CDC42EP4: variants seen among roughly 807,000 people sequenced by gnomAD.
The protein encoded by CDC42EP4 is CDC42 effector protein 4.
CDC42EP4 carries 6 observed loss-of-function variants against 5.6 expected under a neutral mutation model. The ratio of observed to expected loss-of-function variants is 1.07; its 90% CI spans 0.59 to 2.12. The LOEUF (loss-of-function observed/expected upper bound fraction) is 2.12, where lower values mean the gene tolerates loss of function less well. CDC42EP4 is among the 30% of genes most tolerant of loss of function. The pLI is 0.00. For missense variants in CDC42EP4, 490 were observed against 508.6 expected, an observed-to-expected ratio of 0.96 and a Z score of 0.35; for synonymous variants, 230 against 224.2, an observed-to-expected ratio of 1.03 and a Z score of -0.23.
intron 1 of CDC42EP4, among the ~76,000 whole-genome samples, chr17:73,292,253 T>G (rs2062164957): frequency 6.6e-6 from 1 of 152,244 alleles, no homozygotes; most frequent in African/African-American, 2.4e-5. Context: ...TTCCCCTAGC[T>G]GTTCTAACCA....
At position 73,286,658 on chromosome 17, in the gene CDC42EP4, C is replaced by A. The variant is rs2062136541; in HGVS notation, c.-112-46G>T. ...GCAAAGGATTAACGCGGGCTGGCCA[C>A]ACGGCACAAAAGCCTCTTTGCCAGG... is the stretch of plus-strand genomic sequence containing the variant. On this transcript the variant is annotated intron_variant, in intron 1 of 1. Transcript: ENST00000335793. The surrounding 1 kb of genome is among the most constrained non-coding windows in gnomAD (Gnocchi z 7.7). 3.3e-6 allele frequency: 2 copies of A among 609,744 alleles called. No individual in the cohort carries two copies. Among genetic ancestry groups the A allele is most frequent in the South Asian group, 4.2e-5 (2 of 47,544 alleles). The allele number at this position is 609,744 out of a possible 1,614,324, so 37.8% of individuals were successfully genotyped here. A position where few individuals can be genotyped will look rare whatever the true frequency, so the allele number is the denominator to read the frequency against.
chr17:73,308,271 G>A (rs1447630611), intron 1 of CDC42EP4, among the ~76,000 whole-genome samples: 2 of 152,086 alleles, frequency 1.3e-5, no homozygotes, highest in Non-Finnish European at 2.9e-5. Context: ...TTTTCCTCAC[G>A]GTCGGGAAAA....
intron 1 of CDC42EP4, 65 bp downstream of exon 1, chr17:73,311,828 A>C (rs1474227066): frequency 1.3e-5 from 2 of 152,024 alleles, no homozygotes; most frequent in East Asian, 3.9e-4. Flanking sequence ...GAGACCCCCA[A>C]GCCCACCCAG....
intron 1 of CDC42EP4, among the ~76,000 whole-genome samples, chr17:73,310,398 C>G (rs1348512221): frequency 1.3e-5 from 2 of 152,032 alleles, no homozygotes; most frequent in African/African-American, 4.8e-5. Context: ...TGCTGGGGTT[C>G]GGACGAGAGA....
chr17:73,306,848 G>A (rs1023808582), intron 1 of CDC42EP4: 2 of 152,280 alleles, frequency 1.3e-5, no homozygotes, highest in African/African-American at 4.8e-5. Flanking sequence ...TGGCACACTT[G>A]GAGAGATTCA....
At chr17:73,292,129 G>A (rs548253889) in intron 1 of CDC42EP4, among the ~76,000 whole-genome samples, 6 of 152,338 alleles carry the variant, frequency 3.9e-5, no homozygotes, top group South Asian at 2.1e-4. Context: ...GGCAGGCCTC[G>A]CTCTCTGAAG....
rs201223972 is a variant in CDC42EP4, at chr17:73,285,649, C to T, written c.852G>A (p.Glu284=). The T allele has an allele frequency of 1.5e-5, 24 of 1,593,220 alleles. No individual in the cohort carries two copies. The East Asian group carries it at 5.2e-4, about 34-fold the overall frequency. The change falls in exon 2 of 2, where the codon GAG becomes GAA. Residue 284 remains glutamate, a synonymous_variant. Transcript: ENST00000335793. The surrounding 1 kb of genome is among the most constrained non-coding windows in gnomAD (Gnocchi z 6.8). The part of the protein sequence containing the change: ...PSLPSHALED[E]GWAAAAPSPG... ...GGCTGGGGGCCGCTGCTGCCCACCC[C>T]TCATCCTCCAGAGCATGGGAGGGGA...
chr17:73,301,011 A>T (rs551154001), intron 1 of CDC42EP4, among the ~76,000 whole-genome samples: 41 of 151,604 alleles, frequency 2.7e-4, no homozygotes, highest in African/African-American at 9.7e-4. Context: ...ACGCCATTGC[A>T]CTCCAGCCTG....
At chr17:73,293,073 C>T (rs1471326636) in intron 1 of CDC42EP4, among the ~76,000 whole-genome samples, 1 of 152,166 alleles carries the variant, frequency 6.6e-6, no homozygotes, top group Admixed American at 6.5e-5. Context: ...GTCTCGAACT[C>T]CTGGCATCAA....
chr17:73,296,995 A>G (rs1315195929), intron 1 of CDC42EP4, among the ~76,000 whole-genome samples: 1 of 126,084 alleles, frequency 7.9e-6, no homozygotes, highest in Non-Finnish European at 1.7e-5. Flanking sequence ...AAAAAAAAAA[A>G]AAAAAAAAAT....
chr17:73,308,661 A>G (rs925374663), intron 1 of CDC42EP4, among the ~76,000 whole-genome samples: 1 of 152,096 alleles, frequency 6.6e-6, no homozygotes, highest in African/African-American at 2.4e-5. Context: ...GCAGAAATCA[A>G]TCAGTCACTC....
At chr17:73,293,061 T>A (rs995379835) in intron 1 of CDC42EP4, among the ~76,000 whole-genome samples, 1 of 152,162 alleles carries the variant, frequency 6.6e-6, no homozygotes, top group African/African-American at 2.4e-5. Flanking sequence ...TCGGCCAGGC[T>A]GGTCTCGAAC....
At chr17:73,294,652 T>C (rs2062176054) in intron 1 of CDC42EP4, among the ~76,000 whole-genome samples, 1 of 152,002 alleles carries the variant, frequency 6.6e-6, no homozygotes, top group Non-Finnish European at 1.5e-5. Context: ...TATACATATA[T>C]GTGTATATAT....
intron 1 of CDC42EP4, chr17:73,310,324 C>A (rs930030313): frequency 1.2e-4 from 19 of 152,346 alleles, no homozygotes; most frequent in African/African-American, 4.3e-4. Flanking sequence ...TTGCAGGAGG[C>A]CCCTGTCACC....
At chr17:73,298,267 C>T (rs958708647) in intron 1 of CDC42EP4, among the ~76,000 whole-genome samples, 1 of 152,112 alleles carries the variant, frequency 6.6e-6, no homozygotes, top group Admixed American at 6.6e-5. Context: ...GTTGCCTGGG[C>T]GGAGGAAGTG....
chr17:73,311,203 G>A (rs2062273261), intron 1 of CDC42EP4: 1 of 152,236 alleles, frequency 6.6e-6, no homozygotes, highest in Non-Finnish European at 1.5e-5. Flanking sequence ...GGAGCGGGCG[G>A]GGCGGGAGCC....
At chr17:73,296,659 C>A (rs2062187318) in intron 1 of CDC42EP4, among the ~76,000 whole-genome samples, 1 of 151,916 alleles carries the variant, frequency 6.6e-6, no homozygotes, top group South Asian at 2.1e-4. Context: ...ACCAGCCTGG[C>A]CAACTTGTTG....
chr17:73,289,308 G>C (rs1174031310), intron 1 of CDC42EP4, among the ~76,000 whole-genome samples: 1 of 151,086 alleles, frequency 6.6e-6, no homozygotes, highest in Non-Finnish European at 1.5e-5. Flanking sequence ...GACCAGCCTG[G>C]GCAACACGGT....
At chr17:73,299,458 C>T (rs1221078003) in intron 1 of CDC42EP4, among the ~76,000 whole-genome samples, 19 of 149,476 alleles carry the variant, frequency 1.3e-4, no homozygotes, top group Non-Finnish European at 2.4e-4. Flanking sequence ...CACACACACA[C>T]ACACACACAC....
Sources: allele counts gnomAD v4.1 joint callset (sites outside exome capture counted in the v4.1 genomes callset), GRCh38; gene constraint gnomAD v4.1.1; non-coding constraint Gnocchi (gnomAD v3.1); transcripts MANE v1.5; gene names NCBI Gene and HGNC (gene_info 2026-07-23, HGNC 2026-07-21).